Variants in AFG3L2 observed in about 807,000 individuals in gnomAD.
AFG3L2 encodes mitochondrial inner membrane m-AAA protease component AFG3L2.
A neutral mutation model predicts 94.5 loss-of-function variants in AFG3L2; 54 were observed. The ratio of observed to expected loss-of-function variants is 0.57; its 90% CI spans 0.46 to 0.72. AFG3L2 has a LOEUF of 0.72. AFG3L2 is among the 30% of genes least tolerant of loss of function. The probability of loss-of-function intolerance (pLI) is 0.00; values close to 1 mark genes in which losing one functional copy is unlikely to be tolerated. For missense variants in AFG3L2, 754 were observed against 994.9 expected, an observed-to-expected ratio of 0.76 and a Z score of 3.26; for synonymous variants, 377 against 365.5, an observed-to-expected ratio of 1.03 and a Z score of -0.36.
In AFG3L2 at chr18:12,367,092, T is replaced by G; in HGVS notation, c.425A>C (p.Asp142Ala). 2.5e-6 allele frequency: 4 copies of G among 1,614,172 alleles called. No homozygotes were observed. Among genetic ancestry groups the G allele is most frequent in the Non-Finnish European group, 3.4e-6 (4 of 1,180,040 alleles). ...AGTCCAGAGGAAGAACATCCTGAAA[T>G]CCTTGTCGTCCCATGGAATGTCACC... The part of the protein sequence containing the change: ...QKGDIPWDDK[D>A]FRMFFLWTAL... The change falls in exon 5 of 17, where the codon GAT (aspartate) becomes GCT (alanine). Residue 142 changes from aspartate to alanine, a missense_variant. Coordinates refer to ENST00000269143, the MANE Select transcript of AFG3L2 (RefSeq NM_006796.3).
intron 1 of AFG3L2, among the ~76,000 whole-genome samples, chr18:12,375,102 TA>T (rs1382927635): frequency 6.9e-6 from 1 of 145,558 alleles, no homozygotes. Context: ...CAGAGCTTGG[TA>T]AAACAGGGAA....
At chr18:12,338,981 AC>A (rs1425955525) in intron 15 of AFG3L2, among the ~76,000 whole-genome samples, 1 of 152,150 alleles carries the variant, frequency 6.6e-6, no homozygotes, top group Admixed American at 6.5e-5. Flanking sequence ...GGGGCCGGGC[AC>A]GGTGGCTCAC....
intron 14 of AFG3L2, chr18:12,343,133 T>G (rs1908008328): frequency 6.6e-6 from 1 of 152,252 alleles, no homozygotes; most frequent in Non-Finnish European, 1.5e-5. Context: ...GTTATCAATG[T>G]GCATGTCCTA....
In AFG3L2 at chr18:12,356,153, AT is replaced by A. The variant is rs775634147; in HGVS notation, c.1164+540del. Among the ~76,000 whole-genome samples the A allele has an allele frequency of 3.0e-3, 419 of 141,352 alleles. 1 individual carries two copies. The highest frequency in any genetic ancestry group is 5.1e-3 in the African/African-American group (197 of 38,556). 92.7% of individuals were successfully genotyped at this position (141,352 alleles called of 152,430 possible). On this transcript the variant is annotated intron_variant, in intron 9 of 16. Coordinates refer to ENST00000269143, the MANE Select transcript of AFG3L2 (RefSeq NM_006796.3). The stretch of plus-strand genomic sequence containing the variant: ...AAAAAAAATCCACAAATAAAGCAAA[AT>A]TTTTTTTTTTTTTTTGAGACAGCGT...
chr18:12,345,987 T>C (rs1598826547), intron 13 of AFG3L2, among the ~76,000 whole-genome samples: 2 of 152,092 alleles, frequency 1.3e-5, no homozygotes, highest in Non-Finnish European at 2.9e-5. Context: ...ACTCGTCTGG[T>C]TTTGTACCCT....
At chr18:12,332,822 C>T (rs1279368554) in intron 16 of AFG3L2, among the ~76,000 whole-genome samples, 1 of 82,088 alleles carries the variant, frequency 1.2e-5, no homozygotes, top group Non-Finnish European at 2.4e-5. Flanking sequence ...ATTTTTAATT[C>T]TCAATTTGCT....
At chr18:12,348,896 A>G (rs1908226852) in intron 12 of AFG3L2, among the ~76,000 whole-genome samples, 2 of 152,242 alleles carry the variant, frequency 1.3e-5, no homozygotes, top group South Asian at 2.1e-4. Context: ...TCAGTTAAGT[A>G]TATGGTAGCA....
intron 1 of AFG3L2, 41 bp downstream of exon 1, chr18:12,376,928 G>A (rs1322532287): frequency 6.6e-6 from 9 of 1,360,360 alleles, no homozygotes; most frequent in Non-Finnish European, 8.6e-6. Context: ...AAGTGGGCCC[G>A]AGGCAGGGTG....
intron 14 of AFG3L2, chr18:12,343,104 C>T (rs1033985211): frequency 6.6e-6 from 1 of 152,176 alleles, no homozygotes; most frequent in Non-Finnish European, 1.5e-5. Flanking sequence ...AAGTCCACCT[C>T]TATTTTTATT....
chr18:12,340,005 G>A (rs1314455982), intron 15 of AFG3L2, among the ~76,000 whole-genome samples, 196 bp downstream of exon 15: 1 of 152,166 alleles, frequency 6.6e-6, no homozygotes, highest in Non-Finnish European at 1.5e-5. Flanking sequence ...GGGCAACAGA[G>A]GGAGACTGTG....
At chr18:12,344,712 A>T (rs1039924249) in intron 13 of AFG3L2, among the ~76,000 whole-genome samples, 113 of 152,094 alleles carry the variant, frequency 7.4e-4, no homozygotes, top group Admixed American at 4.6e-3. Flanking sequence ...AAATTTTTTT[A>T]AAAAATTAAA....
rs201740465 is a variant in AFG3L2 at position 12,356,661 on chromosome 18, G to A, written c.1164+33C>T. 8.3e-4 allele frequency: 1,339 copies of A among 1,613,910 alleles called. 7 individuals carry two copies. Among genetic ancestry groups the A allele is most frequent in the East Asian group, 2.5e-3 (110 of 44,860 alleles). Reference sequence around the variant, plus strand: ...TCTGTGGTGAAGTGGTGGGTGCAAGGAAGCTGTACCATCCGAACAGAATGA... The same window carrying A: ...TCTGTGGTGAAGTGGTGGGTGCAAGAAAGCTGTACCATCCGAACAGAATGA... On this transcript the variant is annotated intron_variant, in intron 9 of 16. Transcript: ENST00000269143.
intron 10 of AFG3L2, 112 bp from the exon 11 acceptor site, chr18:12,351,525 T>G (rs1394350009): frequency 4.3e-6 from 4 of 940,328 alleles, no homozygotes; most frequent in Non-Finnish European, 3.4e-6. Context: ...AAACACATTT[T>G]CTATTCATTA....
chr18:12,370,298 G>A (rs1359467480), intron 3 of AFG3L2, among the ~76,000 whole-genome samples: 1 of 152,000 alleles, frequency 6.6e-6, no homozygotes, highest in African/African-American at 2.4e-5. Flanking sequence ...TACCAAATAT[G>A]CTTAGTTTGA....
chr18:12,335,285 T>C (rs1907705081), intron 16 of AFG3L2, among the ~76,000 whole-genome samples: 3 of 152,220 alleles, frequency 2.0e-5, no homozygotes, highest in African/African-American at 7.2e-5. Context: ...TTCTACTCTA[T>C]GTTTACTTTA....
intron 3 of AFG3L2, among the ~76,000 whole-genome samples, chr18:12,367,597 T>C (rs1908847039): frequency 1.3e-5 from 2 of 152,218 alleles, no homozygotes; most frequent in African/African-American, 4.8e-5. Flanking sequence ...TCATGAAATA[T>C]GCACAATAAC....
Position 12,356,832 on chromosome 18 carries a change from C to T in AFG3L2, c.1027-1G>A. On this transcript the variant is annotated splice_acceptor_variant, in intron 8 of 16. Coordinates refer to ENST00000269143, the MANE Select transcript of AFG3L2 (RefSeq NM_006796.3). LOFTEE classifies it high-confidence loss of function. ...CTGGAGGACCAGTGAGAATGGCACC[C>T]TTCAGATATGAAAAAAGAAATTACA... is the stretch of plus-strand genomic sequence containing the variant. 1 of 1,613,862 alleles carries T rather than the reference C, an allele frequency of 6.2e-7. No homozygotes were observed. Among genetic ancestry groups the T allele is most frequent in the Non-Finnish European group, 8.5e-7 (1 of 1,179,974 alleles).
chr18:12,377,161 C>G lies in AFG3L2; in HGVS notation c.-79G>C. On this transcript the variant is annotated 5_prime_UTR_variant, in exon 1 of 17. Transcript: ENST00000269143. ...ACGACTGGCGGCCTCGGGAAGCGGG[C>G]TCGGCTCGGGGAAAGGCCGCCAGGC... 8.6e-7 allele frequency: 1 copy of G among 1,161,852 alleles called. No homozygotes were observed. The allele number at this position is 1,161,852 out of a possible 1,614,324, so 72.0% of individuals were successfully genotyped here. A position where few individuals can be genotyped will look rare whatever the true frequency, so the allele number is the denominator to read the frequency against.
At chr18:12,376,086 C>T (rs1305436576) in intron 1 of AFG3L2, among the ~76,000 whole-genome samples, 2 of 152,238 alleles carry the variant, frequency 1.3e-5, no homozygotes, top group Non-Finnish European at 2.9e-5. Context: ...CCTCGGCCTC[C>T]CTAAGTGCTG....
Sources: allele counts gnomAD v4.1 joint callset (sites outside exome capture counted in the v4.1 genomes callset), GRCh38; gene constraint gnomAD v4.1.1; transcripts MANE v1.5; gene names NCBI Gene and HGNC (gene_info 2026-07-23, HGNC 2026-07-21).